Variants in CFAP61 observed in about 807,000 individuals in gnomAD.
The protein encoded by CFAP61 is cilia- and flagella-associated protein 61.
In CFAP61, 107 loss-of-function variants were observed where a neutral mutation model predicts 135.6. The observed-to-expected ratio is 0.79, with a 90% CI of 0.67 to 0.93. CFAP61 has a LOEUF of 0.93. Among genes scored for constraint, CFAP61 ranks in the 40% least tolerant of loss-of-function variants. The pLI is 0.00. For synonymous variants in CFAP61, 575 were observed against 578.5 expected, an observed-to-expected ratio of 0.99 and a Z score of 0.09; for missense variants, 1,507 against 1,556.2, an observed-to-expected ratio of 0.97 and a Z score of 0.53.
intron 21 of CFAP61, among the ~76,000 whole-genome samples, chr20:20,266,040 G>T (rs2052711405): frequency 6.6e-6 from 1 of 152,150 alleles, no homozygotes; most frequent in Non-Finnish European, 1.5e-5. Flanking sequence ...ACCCACAGAG[G>T]CTCCCAGGAA....
chr20:20,074,728 A>G (rs961594447), intron 4 of CFAP61, among the ~76,000 whole-genome samples: 2 of 152,198 alleles, frequency 1.3e-5, no homozygotes, highest in Non-Finnish European at 2.9e-5. Context: ...TTAACATGAC[A>G]GACTTCAAAG....
At chr20:20,358,894 G>T (rs911850281) in intron 26 of CFAP61, among the ~76,000 whole-genome samples, 2 of 152,196 alleles carry the variant, frequency 1.3e-5, no homozygotes, top group African/African-American at 4.8e-5. Flanking sequence ...TGAAATAAAT[G>T]TACCATCAGA....
intron 25 of CFAP61, among the ~76,000 whole-genome samples, chr20:20,306,108 T>C (rs2056458408): frequency 6.6e-6 from 1 of 152,204 alleles, no homozygotes; most frequent in Non-Finnish European, 1.5e-5. Flanking sequence ...CTTTCCACTA[T>C]GGCATTTGTG....
At chr20:20,296,751 A>T (rs2055658577) in intron 24 of CFAP61, among the ~76,000 whole-genome samples, 3 of 152,354 alleles carry the variant, frequency 2.0e-5, no homozygotes, top group Admixed American at 1.3e-4. Flanking sequence ...AAACAAATGA[A>T]ATGATACTGT....
intron 6 of CFAP61, among the ~76,000 whole-genome samples, chr20:20,077,731 G>T (rs1026141195): frequency 3.9e-5 from 6 of 152,172 alleles, no homozygotes; most frequent in African/African-American, 1.4e-4. Flanking sequence ...CGGATTCAAA[G>T]ATTTTCTGAT....
chr20:20,128,527 G>A (rs540399008), intron 8 of CFAP61, among the ~76,000 whole-genome samples: 2 of 151,846 alleles, frequency 1.3e-5, no homozygotes, highest in East Asian at 1.9e-4. Flanking sequence ...GGCACTCACA[G>A]TATTTGGGCT....
At chr20:20,279,620 C>G (rs2054033243) in intron 22 of CFAP61, among the ~76,000 whole-genome samples, 1 of 152,130 alleles carries the variant, frequency 6.6e-6, no homozygotes, top group Non-Finnish European at 1.5e-5. Flanking sequence ...GAAAAAAAAT[C>G]TATGCATAAG....
At chr20:20,197,454 A>G (rs923111048) in intron 16 of CFAP61, among the ~76,000 whole-genome samples, 5 of 152,050 alleles carry the variant, frequency 3.3e-5, no homozygotes, top group Non-Finnish European at 7.4e-5. Flanking sequence ...GAAGTTATCT[A>G]TTTTACCATG....
chr20:20,263,124 A>G lies in CFAP61; in HGVS notation c.2497A>G (p.Thr833Ala). The G allele has an allele frequency of 6.2e-7, 1 of 1,611,322 alleles. No homozygotes were observed. Among genetic ancestry groups the G allele is most frequent in the Non-Finnish European group, 8.5e-7 (1 of 1,178,274 alleles). Residue 833 changes from threonine to alanine, a missense_variant, in exon 21 of 27, where the codon ACA becomes GCA. Thr to Ala is a moderately conservative substitution (Grantham distance 58, BLOSUM62 0). Coordinates refer to ENST00000245957, the MANE Select transcript of CFAP61 (RefSeq NM_015585.4). ...TTGGATAAGGAATAACTCCATCACC[A>G]CAGAAGGTAAGGATGTCGGTAACTG... ...LIWIRNNSIT[T>A]EGNIIVYGNT... is the part of the protein sequence containing the mutation.
At chr20:20,052,774 A>G (rs1314043891) in intron 1 of CFAP61, 183 bp downstream of exon 1, 1 of 1,523,098 alleles carries the variant, frequency 6.6e-7, no homozygotes, top group East Asian at 2.3e-5. Context: ...GGGCGGGGGA[A>G]GAAGGGAGAG....
At chr20:20,239,816 G>A (rs1238361258) in intron 18 of CFAP61, among the ~76,000 whole-genome samples, 2 of 152,168 alleles carry the variant, frequency 1.3e-5, no homozygotes, top group Non-Finnish European at 2.9e-5. Context: ...AATTTAAAAA[G>A]AGGTTTCCAG....
At chr20:20,235,913 C>CATCT (rs2049552918) in intron 18 of CFAP61, among the ~76,000 whole-genome samples, 1 of 152,140 alleles carries the variant, frequency 6.6e-6, no homozygotes, top group Non-Finnish European at 1.5e-5. Flanking sequence ...CAGGCAAAGC[C>CATCT]ATCTATGCAG....
At chr20:20,289,637 G>A (rs2054858544) in intron 23 of CFAP61, among the ~76,000 whole-genome samples, 1 of 152,216 alleles carries the variant, frequency 6.6e-6, no homozygotes, top group Non-Finnish European at 1.5e-5. Context: ...TCAATGGAAT[G>A]TCAGATTACA....
At position 20,130,562 on chromosome 20, in the gene CFAP61, G is replaced by A. The variant is rs1005440925; in HGVS notation, c.860-12295G>A. On this transcript the variant is annotated intron_variant, in intron 8 of 26. Transcript: ENST00000245957. ...TGGGATATTTGCTTATAGATTCTGT[G>A]TAATTTACCTGCTGACTTTCTTTTT... Among the ~76,000 whole-genome samples the A allele has an allele frequency of 9.2e-5, 14 of 151,790 alleles. No individual in the cohort carries two copies. In the South Asian group the frequency reaches 1.7e-3, roughly 18 times the overall value.
chr20:20,360,249 A>G lies in CFAP61; in HGVS notation c.3553A>G (p.Ile1185Val), dbSNP rs1224332886. ...LPSIEQLAHQ[I>V]EDEEINPTEK... is the part of the protein sequence containing the mutation. ...TTCCATAGAGCAGTTAGCCCATCAAATAGAAGATGAGGAAATCAACCCGAC... is the reference window on the plus strand; with the variant it reads ...TTCCATAGAGCAGTTAGCCCATCAAGTAGAAGATGAGGAAATCAACCCGAC... The change falls in exon 27 of 27, where the codon ATA (isoleucine) becomes GTA (valine). Residue 1185 changes from isoleucine (I) to valine (V), a missense_variant. Coordinates refer to ENST00000245957, the MANE Select transcript of CFAP61 (RefSeq NM_015585.4). 5 of 1,613,868 alleles carry G rather than the reference A, an allele frequency of 3.1e-6. No homozygotes were observed. The highest frequency in any genetic ancestry group is 2.7e-5 in the African/African-American group (2 of 74,906).
At chr20:20,205,668 C>T (rs1394162150) in intron 17 of CFAP61, among the ~76,000 whole-genome samples, 1 of 152,208 alleles carries the variant, frequency 6.6e-6, no homozygotes, top group Non-Finnish European at 1.5e-5. Flanking sequence ...TGGTACCAGC[C>T]TGACCCTGTC....
At chr20:20,358,842 GA>G (rs2059370920) in intron 26 of CFAP61, among the ~76,000 whole-genome samples, 1 of 152,154 alleles carries the variant, frequency 6.6e-6, no homozygotes, top group African/African-American at 2.4e-5. Flanking sequence ...ACCCTGCAAG[GA>G]ATTGCCTTTT....
chr20:20,108,163 G>C (rs529402217), intron 8 of CFAP61, among the ~76,000 whole-genome samples: 1 of 152,306 alleles, frequency 6.6e-6, no homozygotes, highest in South Asian at 2.1e-4. Flanking sequence ...AAGAAGCACT[G>C]TAATGAGCAC....
intron 21 of CFAP61, among the ~76,000 whole-genome samples, chr20:20,263,910 A>G (rs2052478357): frequency 6.6e-6 from 1 of 152,320 alleles, no homozygotes; most frequent in East Asian, 1.9e-4. Context: ...ATGTAAAACC[A>G]CTAAGTGCCC....
Sources: gnomAD v4.1 joint callset for allele counts (sites outside exome capture counted in the v4.1 genomes callset) on GRCh38, gnomAD v4.1.1 for gene constraint, MANE v1.5 for transcripts, NCBI Gene and HGNC (gene_info 2026-07-23, HGNC 2026-07-21) for gene names.